The following TTC6 variants were observed in gnomAD, a reference collection of about 807,000 sequenced individuals.
The protein encoded by TTC6 is tetratricopeptide repeat protein 6.
In TTC6, 172 loss-of-function variants were observed where a neutral mutation model predicts 210.4. The observed-to-expected ratio is 0.82, with a 90% CI of 0.72 to 0.93. The LOEUF is 0.93. Among genes scored for constraint, TTC6 ranks in the 40% least tolerant of loss-of-function variants. The pLI, the probability that TTC6 is intolerant of heterozygous loss-of-function variation, is 0.00. For missense variants in TTC6, 2,414 were observed against 2,318.1 expected (o/e 1.04, Z -0.85); for synonymous variants, 804 against 819.6 (o/e 0.98, Z 0.32).
chr14:37,778,648 G>C (rs2096045434), intron 14 of TTC6, among the ~76,000 whole-genome samples: 1 of 152,130 alleles, frequency 6.6e-6, no homozygotes, highest in Non-Finnish European at 1.5e-5. Flanking sequence ...GGAGGTTGCA[G>C]GTGGACCGGT....
At chr14:37,772,002 T>C (rs1236252628) in intron 14 of TTC6, among the ~76,000 whole-genome samples, 2 of 152,292 alleles carry the variant, frequency 1.3e-5, no homozygotes, top group East Asian at 3.9e-4. Context: ...TCCTTTCTGT[T>C]TGTTAGTTTT....
chr14:37,808,582 G>A, intron 23 of TTC6, 151 bp from the exon 26 acceptor site: 1 of 440,606 alleles, frequency 2.3e-6, no homozygotes, highest in Non-Finnish European at 4.1e-6. Context: ...CTCTGTGAAA[G>A]ATTAGCTTCA....
chr14:37,738,725 A>G (rs1240504252), intron 9 of TTC6, 51 bp from the exon 12 acceptor site: 2 of 1,361,518 alleles, frequency 1.5e-6, no homozygotes, highest in Non-Finnish European at 9.6e-7. Flanking sequence ...TTGAATGCAT[A>G]GCAACTAAAT....
chr14:37,640,717 A>G (rs1468533723), intron 1 of TTC6, among the ~76,000 whole-genome samples: 1 of 150,914 alleles, frequency 6.6e-6, no homozygotes, highest in Non-Finnish European at 1.5e-5. Context: ...TAATTTTTGT[A>G]TTTTTCGTAG....
At chr14:37,675,301 T>TGGAATATATGGAAATGGA (rs2095766705) in intron 1 of TTC6, among the ~76,000 whole-genome samples, 1 of 152,140 alleles carries the variant, frequency 6.6e-6, no homozygotes, top group Non-Finnish European at 1.5e-5. Flanking sequence ...TCTGGATGTT[T>TGGAATATATGGAAATGGA]CATATAAATG....
chr14:37,831,529 C>G (rs1357186102), intron 29 of TTC6, among the ~76,000 whole-genome samples: 1 of 152,160 alleles, frequency 6.6e-6, no homozygotes. Flanking sequence ...AATTTACATT[C>G]TCACCGTTAG....
intron 15 of TTC6, among the ~76,000 whole-genome samples, chr14:37,788,117 C>G (rs192694991): frequency 6.6e-6 from 1 of 152,014 alleles, no homozygotes; most frequent in Admixed American, 6.6e-5. Flanking sequence ...TTTTTAACCC[C>G]TAAACTAAAA....
intron 20 of TTC6, among the ~76,000 whole-genome samples, chr14:37,803,481 AAGAG>A (rs1393484079): frequency 2.0e-5 from 3 of 152,168 alleles, no homozygotes; most frequent in Non-Finnish European, 2.9e-5. Context: ...GGAGTAGTGA[AAGAG>A]AGAGAGATGG....
intron 3 of TTC6, among the ~76,000 whole-genome samples, chr14:37,692,208 CAAAAAAAAAAA>C (rs3062759): frequency 2.5e-5 from 1 of 40,154 alleles, no homozygotes; most frequent in Non-Finnish European, 3.9e-5. Flanking sequence ...AAAGACACAC[CAAAAAAAAAAA>C]AAAAAAAAAA....
chr14:37,658,038 G>C (rs2095728523), intron 1 of TTC6, among the ~76,000 whole-genome samples: 1 of 152,124 alleles, frequency 6.6e-6, no homozygotes, highest in Non-Finnish European at 1.5e-5. Context: ...AATAGTTTAA[G>C]CTTTGTTGAA....
In TTC6 at chr14:37,839,880, C is replaced by A. The variant is rs140149064; in HGVS notation, c.5299-1565C>A. On this transcript the variant is annotated intron_variant, in intron 29 of 30. Coordinates refer to ENST00000553443, the Ensembl canonical transcript of TTC6. Reference sequence around the variant, plus strand: ...TTTCTGCATATGGCTAGCCGGTTTTCCCAGCACCATTTATTAAATAGGGAA... The same window carrying A: ...TTTCTGCATATGGCTAGCCGGTTTTACCAGCACCATTTATTAAATAGGGAA... Among the ~76,000 whole-genome samples the A allele has an allele frequency of 6.1e-3, 933 of 152,236 alleles. 6 individuals carry two copies. The highest frequency in any genetic ancestry group is 0.02 in the African/African-American group (845 of 41,532).
chr14:37,674,729 A>G (rs2095765213), intron 1 of TTC6, among the ~76,000 whole-genome samples: 3 of 152,124 alleles, frequency 2.0e-5, no homozygotes, highest in Admixed American at 2.0e-4. Context: ...AAATTAATGG[A>G]TTTCCTAATG....
chr14:37,833,839 G>T (rs1180388508), intron 29 of TTC6, among the ~76,000 whole-genome samples: 1 of 152,098 alleles, frequency 6.6e-6, no homozygotes, highest in South Asian at 2.1e-4. Context: ...GCTGCCAGAT[G>T]TAAAAATCTC....
intron 17 of TTC6, among the ~76,000 whole-genome samples, chr14:37,793,912 A>AT (rs1260689672): frequency 1.3e-5 from 2 of 152,200 alleles, no homozygotes; most frequent in Non-Finnish European, 2.9e-5. Context: ...AGGGCTCACA[A>AT]AAGAGTGTGA....
At chr14:37,644,407 A>G (rs1232922682) in intron 1 of TTC6, among the ~76,000 whole-genome samples, 6 of 152,156 alleles carry the variant, frequency 3.9e-5, no homozygotes, top group Non-Finnish European at 5.9e-5. Flanking sequence ...TCACCTCTGT[A>G]TTCTGGCCAG....
chr14:37,751,092 A>G, exon 13 of TTC6: 1 of 1,524,552 alleles, frequency 6.6e-7, no homozygotes. Flanking sequence ...AGGGGAAAAA[A>G]AGACATAACT....
chr14:37,728,629 T>C (rs2095878592), intron 7 of TTC6, among the ~76,000 whole-genome samples: 1 of 152,206 alleles, frequency 6.6e-6, no homozygotes, highest in South Asian at 2.1e-4. Context: ...ATACTTCTTA[T>C]TGTTTTTGTT....
chr14:37,785,161 G>C (rs1484901854), intron 14 of TTC6, among the ~76,000 whole-genome samples: 2 of 152,152 alleles, frequency 1.3e-5, no homozygotes, highest in Non-Finnish European at 2.9e-5. Context: ...GAATTTGAAT[G>C]GTAGCCTGCC....
In TTC6 at chr14:37,598,483, GC is replaced by G. The variant is rs1200980047; in HGVS notation, c.-235+2477del. Among the ~76,000 whole-genome samples, 3 of 152,224 alleles carry G rather than the reference GC, an allele frequency of 2.0e-5. No individual in the cohort carries two copies. The highest frequency in any genetic ancestry group is 4.4e-5 in the Non-Finnish European group (3 of 68,040). On this transcript the variant is annotated intron_variant, in intron 1 of 2. Transcript: ENST00000556845. This position sits in a 1 kb window ranked among gnomAD's most constrained non-coding sequence, Gnocchi z 4.9. ...AAGCTGCCCTTGCTACACCCGTGGG[GC>G]CTGCTCCCGGCGCAGTCCCGCAGTA...
Sources: allele counts gnomAD v4.1 joint callset (sites outside exome capture counted in the v4.1 genomes callset), GRCh38; gene constraint gnomAD v4.1.1; non-coding constraint Gnocchi (gnomAD v3.1); transcripts MANE v1.5; gene names NCBI Gene and HGNC (gene_info 2026-07-23, HGNC 2026-07-21).